The following SORCS1 variants were observed in gnomAD, a reference collection of about 807,000 sequenced individuals.
The protein encoded by SORCS1 is sortilin related VPS10 domain containing receptor 1, also known as VPS10 domain-containing receptor SorCS1.
A neutral mutation model predicts 146.1 loss-of-function variants in SORCS1; 60 were observed. The ratio of observed to expected loss-of-function variants is 0.41; its 90% CI spans 0.33 to 0.51. SORCS1 has a LOEUF of 0.51. Among genes scored for constraint, SORCS1 ranks in the 20% least tolerant of loss-of-function variants. The pLI, the probability that SORCS1 is intolerant of heterozygous loss-of-function variation, is 0.21. For synonymous variants in SORCS1, 637 were observed against 584.0 expected (o/e 1.09, Z -1.31); for missense variants, 1,352 against 1,487.6 (o/e 0.91, Z 1.50).
intron 2 of SORCS1, among the ~76,000 whole-genome samples, chr10:106,852,603 G>C (rs1345955592): frequency 6.8e-6 from 1 of 147,786 alleles, no homozygotes; most frequent in East Asian, 2.0e-4. Flanking sequence ...ACTCCAGCCT[G>C]GGTGACAGAG....
At chr10:106,590,904 C>G (rs1370577543) in intron 24 of SORCS1, among the ~76,000 whole-genome samples, 2 of 152,218 alleles carry the variant, frequency 1.3e-5, no homozygotes, top group African/African-American at 2.4e-5. Flanking sequence ...ATCCACCCAC[C>G]TCATGCTCCC....
At chr10:107,158,851 T>C (rs1169272057) in intron 1 of SORCS1, among the ~76,000 whole-genome samples, 3 of 152,210 alleles carry the variant, frequency 2.0e-5, no homozygotes, top group Admixed American at 6.5e-5. Flanking sequence ...ATGAGATTCA[T>C]GTATCTGCTT....
intron 5 of SORCS1, among the ~76,000 whole-genome samples, chr10:106,748,086 T>C (rs976231993): frequency 6.6e-6 from 1 of 152,216 alleles, no homozygotes; most frequent in Non-Finnish European, 1.5e-5. Context: ...CTTATGATTG[T>C]TCAAATGTTA....
At chr10:107,132,740 T>C (rs927484691) in intron 1 of SORCS1, among the ~76,000 whole-genome samples, 3 of 152,272 alleles carry the variant, frequency 2.0e-5, no homozygotes, top group Non-Finnish European at 2.9e-5. Context: ...ATTGTGATTA[T>C]TGTCTGTTTG....
chr10:106,801,259 A>T (rs1423362266), intron 3 of SORCS1, among the ~76,000 whole-genome samples: 2 of 152,204 alleles, frequency 1.3e-5, no homozygotes, highest in African/African-American at 2.4e-5. Flanking sequence ...GAATAAACAG[A>T]AAGAAGAAAA....
chr10:107,170,218 T>C, the SORCS1 span, among the ~76,000 whole-genome samples: 1 of 152,168 alleles, frequency 6.6e-6, no homozygotes, highest in South Asian at 2.1e-4. Flanking sequence ...AAGTCTAATA[T>C]AAAAAGGCTT....
chr10:107,038,409 A>AGGG (rs1398716492), intron 1 of SORCS1, among the ~76,000 whole-genome samples: 1 of 147,810 alleles, frequency 6.8e-6, no homozygotes, highest in Non-Finnish European at 1.5e-5. Context: ...GTGGGGGGGG[A>AGGG]GAGACAGCAT....
chr10:106,903,714 C>T (rs752605331), intron 2 of SORCS1, among the ~76,000 whole-genome samples: 32 of 152,132 alleles, frequency 2.1e-4, no homozygotes, highest in Non-Finnish European at 4.3e-4. Flanking sequence ...CTCAGTAGGA[C>T]AAAGGGATCA....
chr10:106,631,526 A>T (rs1378240381), intron 18 of SORCS1, among the ~76,000 whole-genome samples: 1 of 152,206 alleles, frequency 6.6e-6, no homozygotes, highest in Non-Finnish European at 1.5e-5. Context: ...TGAGGGAAAT[A>T]GCAAGGGTAT....
At chr10:106,838,586 A>G (rs1057336436) in intron 2 of SORCS1, among the ~76,000 whole-genome samples, 1 of 152,150 alleles carries the variant, frequency 6.6e-6, no homozygotes. Flanking sequence ...TCCTCTTCCT[A>G]TTGATTCTTC....
chr10:106,975,744 C>T (rs1186546169), intron 1 of SORCS1, among the ~76,000 whole-genome samples: 1 of 152,188 alleles, frequency 6.6e-6, no homozygotes, highest in Non-Finnish European at 1.5e-5. Flanking sequence ...GTGTCTGCTG[C>T]CACTTCTTGC....
intron 2 of SORCS1, among the ~76,000 whole-genome samples, chr10:106,893,995 G>T (rs890761789): frequency 1.3e-5 from 2 of 152,024 alleles, no homozygotes; most frequent in South Asian, 2.1e-4. Context: ...CTACAGCTGT[G>T]GCTCTCTCCC....
intron 1 of SORCS1, among the ~76,000 whole-genome samples, chr10:107,104,995 G>A (rs1323897093): frequency 1.3e-5 from 2 of 152,136 alleles, no homozygotes; most frequent in African/African-American, 4.8e-5. Context: ...AAGAAACACT[G>A]GCCAGAAAGT....
At chr10:106,659,325 T>G (rs891085979) in intron 17 of SORCS1, among the ~76,000 whole-genome samples, 11 of 152,220 alleles carry the variant, frequency 7.2e-5, no homozygotes, top group African/African-American at 2.7e-4. Context: ...GTAATAGGAA[T>G]GTGACTTCAT....
chr10:107,113,868 G>GT (rs1965856035), intron 1 of SORCS1, among the ~76,000 whole-genome samples: 1 of 151,024 alleles, frequency 6.6e-6, no homozygotes, highest in African/African-American at 2.4e-5. Context: ...CTAAGAGTTG[G>GT]TTTTTTTGAA....
chr10:106,653,982 C>T (rs1184160585), intron 17 of SORCS1, among the ~76,000 whole-genome samples: 2 of 152,178 alleles, frequency 1.3e-5, no homozygotes, highest in Non-Finnish European at 2.9e-5. Context: ...CTTTCCTGGA[C>T]TCTTTCTCCC....
intron 2 of SORCS1, among the ~76,000 whole-genome samples, chr10:106,874,072 C>T (rs1453620917): frequency 6.6e-6 from 1 of 152,176 alleles, no homozygotes; most frequent in Non-Finnish European, 1.5e-5. Context: ...ATATAGAGTA[C>T]TTTATAAATA....
At chr10:107,082,261 A>G (rs1963385803) in intron 1 of SORCS1, among the ~76,000 whole-genome samples, 1 of 152,246 alleles carries the variant, frequency 6.6e-6, no homozygotes, top group South Asian at 2.1e-4. Context: ...AATGGCCTCG[A>G]ATGTTTGGAA....
intron 1 of SORCS1, among the ~76,000 whole-genome samples, chr10:107,043,219 G>A (rs1005684722): frequency 1.3e-5 from 2 of 151,974 alleles, no homozygotes; most frequent in Admixed American, 6.5e-5. Flanking sequence ...ATCTAGGCTG[G>A]GTAAAAAAAC....
Sources: gnomAD v4.1 joint callset for allele counts (sites outside exome capture counted in the v4.1 genomes callset) on GRCh38, gnomAD v4.1.1 for gene constraint, MANE v1.5 for transcripts, NCBI Gene and HGNC (gene_info 2026-07-23, HGNC 2026-07-21) for gene names.